SPAG6: variants seen among roughly 807,000 people sequenced by gnomAD.
SPAG6 encodes the protein sperm-associated antigen 6.
Under a neutral mutation model 58.5 loss-of-function variants are expected in SPAG6, and 49 were observed. The ratio of observed to expected loss-of-function variants is 0.84; its 90% CI spans 0.67 to 1.06. The LOEUF (loss-of-function observed/expected upper bound fraction) is 1.06. Ranked by LOEUF, SPAG6 falls within the 50% of genes least tolerant of loss-of-function variation. The pLI, the probability that SPAG6 is intolerant of heterozygous loss-of-function variation, is 0.00. For synonymous variants in SPAG6, 233 were observed against 225.6 expected, an observed-to-expected ratio of 1.03 and a Z score of -0.29; for missense variants, 560 against 611.3, an observed-to-expected ratio of 0.92 and a Z score of 0.89.
chr10:22,356,025 C>G (rs138025658), intron 2 of SPAG6, among the ~76,000 whole-genome samples: 52 of 152,264 alleles, frequency 3.4e-4, no homozygotes, highest in African/African-American at 1.3e-3. Context: ...TAGACTTACA[C>G]TGTAACAGGA....
chr10:22,415,217 T>C (rs1834839720), intron 10 of SPAG6, among the ~76,000 whole-genome samples: 1 of 151,024 alleles, frequency 6.6e-6, no homozygotes, highest in Non-Finnish European at 1.5e-5. Flanking sequence ...AATACTATAT[T>C]ATTAAATAAG....
At chr10:22,371,772 T>G (rs1338732270) in intron 4 of SPAG6, among the ~76,000 whole-genome samples, 2 of 152,154 alleles carry the variant, frequency 1.3e-5, no homozygotes, top group African/African-American at 4.8e-5. Flanking sequence ...AAAATAAGCA[T>G]AGAGAGAAGC....
chr10:22,370,315 C>T (rs548647738), intron 4 of SPAG6, among the ~76,000 whole-genome samples: 51 of 152,260 alleles, frequency 3.3e-4, no homozygotes, highest in African/African-American at 1.1e-3. Context: ...ATGCCTGGCT[C>T]TGTGCTGTGT....
chr10:22,362,819 A>T lies in SPAG6; in HGVS notation c.122-2034A>T, dbSNP rs115977308. The stretch of plus-strand genomic sequence containing the variant: ...CCCAAGCCCTGTGCCCAATTCAAAA[A>T]TGGTCACAGGGCTTGGCCTGACATT... On this transcript the variant is annotated intron_variant, in intron 2 of 10. Coordinates refer to ENST00000376624, the MANE Select transcript of SPAG6 (RefSeq NM_012443.4). 9.1e-3 allele frequency among the ~76,000 whole-genome samples: 1,380 copies of T among 152,190 alleles called. 20 individuals carry two copies. The highest frequency in any genetic ancestry group is 0.031 in the African/African-American group (1,276 of 41,528).
chr10:22,361,948 A>G (rs1052392694), intron 2 of SPAG6, among the ~76,000 whole-genome samples: 2 of 149,240 alleles, frequency 1.3e-5, no homozygotes, highest in African/African-American at 2.4e-5. Context: ...AAAAGATGAT[A>G]AACCACTGCC....
chr10:22,346,439 CTTCTTCTTCT>C (rs1836536787), intron 2 of SPAG6, among the ~76,000 whole-genome samples: 1 of 126,094 alleles, frequency 7.9e-6, no homozygotes, highest in Non-Finnish European at 1.6e-5. Flanking sequence ...GGTTCTTCTT[CTTCTTCTTCT>C]TCTTCTTCTT....
rs36119497 is a variant in SPAG6, at chr10:22,364,888, G to A, written c.157G>A (p.Val53Met). The A allele has an allele frequency of 8.7e-6, 14 of 1,611,722 alleles. No individual in the cohort carries two copies. The highest frequency in any genetic ancestry group is 1.6e-4 in the Middle Eastern group (1 of 6,074). ...TTTGCTGAGAACTCTTCTTCTGGAC[G>A]TGGTCCCAACAATTCAACAGACTGC... ...MSLLRTLLLD[V>M]VPTIQQTAAL... Residue 53 changes from valine (V) to methionine (M), a missense_variant, in exon 3 of 11, where the codon GTG becomes ATG. Val to Met is a conservative substitution (Grantham distance 21, BLOSUM62 1). Transcript: ENST00000376624.
At chr10:22,382,539 A>T (rs771304032) in intron 4 of SPAG6, among the ~76,000 whole-genome samples, 3 of 152,176 alleles carry the variant, frequency 2.0e-5, no homozygotes, top group Non-Finnish European at 4.4e-5. Flanking sequence ...TATTATTTCT[A>T]GTATATATTA....
chr10:22,389,384 C>A, intron 7 of SPAG6, 72 bp downstream of exon 7: 3 of 1,463,154 alleles, frequency 2.1e-6, no homozygotes, highest in Non-Finnish European at 2.8e-6. Flanking sequence ...TAATGTTCTC[C>A]AACAGAATAC....
chr10:22,355,879 C>T (rs1005160934), intron 2 of SPAG6, among the ~76,000 whole-genome samples: 3 of 151,900 alleles, frequency 2.0e-5, no homozygotes, highest in East Asian at 1.9e-4. Flanking sequence ...AAAAAATGAC[C>T]AGTGAAGGAA....
chr10:22,373,511 T>C (rs745827790), intron 4 of SPAG6, among the ~76,000 whole-genome samples: 5 of 152,164 alleles, frequency 3.3e-5, no homozygotes, highest in Admixed American at 6.5e-5. Flanking sequence ...ATTTTCAAAG[T>C]AATTAACTTT....
At chr10:22,388,123 T>C (rs568026867) in intron 6 of SPAG6, 127 bp downstream of exon 6, 51 of 724,672 alleles carry the variant, frequency 7.0e-5, no homozygotes, top group Non-Finnish European at 1.0e-4. Context: ...TTTCTCGTCT[T>C]CTACTGATGT....
intron 10 of SPAG6, 104 bp downstream of exon 10, chr10:22,411,280 G>A (rs949881693): frequency 5.5e-6 from 5 of 906,768 alleles, no homozygotes; most frequent in East Asian, 5.3e-5. Flanking sequence ...TTTGAAATAC[G>A]ATGTGAGGCC....
intron 9 of SPAG6, among the ~76,000 whole-genome samples, chr10:22,406,099 C>T (rs1408807507): frequency 5.3e-5 from 8 of 152,184 alleles, no homozygotes; most frequent in East Asian, 1.9e-4. Context: ...CTCCTGGATT[C>T]GTTAATTTTT....
chr10:22,414,171 T>G (rs1357888826), intron 10 of SPAG6, among the ~76,000 whole-genome samples: 1 of 152,094 alleles, frequency 6.6e-6, no homozygotes, highest in African/African-American at 2.4e-5. Flanking sequence ...AACATCTAAT[T>G]TGGGGAGGGA....
chr10:22,379,633 T>C (rs180693335), intron 4 of SPAG6, among the ~76,000 whole-genome samples: 1 of 152,312 alleles, frequency 6.6e-6, no homozygotes, highest in Admixed American at 6.5e-5. Flanking sequence ...AGCCTAGTGA[T>C]AGGTCTTGAG....
intron 10 of SPAG6, chr10:22,412,406 A>G (rs1167085303): frequency 9.1e-7 from 1 of 1,096,864 alleles, no homozygotes; most frequent in African/African-American, 1.6e-5. Context: ...AGCAATTTTA[A>G]GATTAAAATT....
At position 22,391,714 on chromosome 10, in the gene SPAG6, T is replaced by G; in HGVS notation, c.1006-15T>G. The G allele has an allele frequency of 6.2e-7, 1 of 1,611,248 alleles. No individual in the cohort carries two copies. The highest frequency in any genetic ancestry group is 1.1e-5 in the South Asian group (1 of 90,774). ...TCTAGATTCATAACACTTGCTCTTT[T>G]GATCCACGCTGCAGGGTGTACCCCA... On this transcript the variant is annotated splice_polypyrimidine_tract_variant and intron_variant, in intron 7 of 10. Coordinates refer to ENST00000376624, the MANE Select transcript of SPAG6 (RefSeq NM_012443.4).
intron 4 of SPAG6, among the ~76,000 whole-genome samples, chr10:22,383,798 T>C (rs1027011812): frequency 2.0e-5 from 3 of 152,198 alleles, no homozygotes; most frequent in East Asian, 1.9e-4. Flanking sequence ...GGCCTGTTCA[T>C]GTATTCACTC....
Sources: allele counts gnomAD v4.1 joint callset (sites outside exome capture counted in the v4.1 genomes callset), GRCh38; gene constraint gnomAD v4.1.1; transcripts MANE v1.5; gene names NCBI Gene and HGNC (gene_info 2026-07-23, HGNC 2026-07-21).